Variants in STRADB observed in about 807,000 individuals in gnomAD.
The protein encoded by STRADB is STE20-related kinase adapter protein beta.
In STRADB, 34 loss-of-function variants were observed where a neutral mutation model predicts 52.1. That is an observed-to-expected ratio of 0.65 (90% confidence interval 0.50 to 0.87). The LOEUF (loss-of-function observed/expected upper bound fraction) is 0.87, where lower values mean the gene tolerates loss of function less well. STRADB is among the 40% of genes least tolerant of loss of function. The pLI is 0.00. For missense variants in STRADB, 340 were observed against 483.9 expected (o/e 0.70, Z 2.79); for synonymous variants, 133 against 174.5 (o/e 0.76, Z 1.87).
intron 6 of STRADB, among the ~76,000 whole-genome samples, chr2:201,475,191 A>G (rs960684600): frequency 2.0e-5 from 3 of 152,176 alleles, no homozygotes; most frequent in African/African-American, 7.2e-5. Flanking sequence ...GAGGGCCGGG[A>G]TCATTTATAT....
At chr2:201,470,863 G>A (rs973550395) in intron 4 of STRADB, among the ~76,000 whole-genome samples, 8 of 152,282 alleles carry the variant, frequency 5.3e-5, no homozygotes, top group African/African-American at 1.9e-4. Flanking sequence ...AAGTGAAAAA[G>A]GAATATTTGA....
Position 201,468,677 on chromosome 2 carries a change from C to T in STRADB, c.94-1276C>T, listed in dbSNP as rs556152260. The stretch of plus-strand genomic sequence containing the variant: ...AGGCTGATTAGTTGTGATTTTAGTC[C>T]ATCACCCAGTAACATTATGCCGTTT... On this transcript the variant is annotated intron_variant, in intron 3 of 11. Transcript: ENST00000194530. 1.1e-4 allele frequency among the ~76,000 whole-genome samples: 16 copies of T among 152,252 alleles called. No individual in the cohort carries two copies. The East Asian group carries it at 3.1e-3, about 29-fold the overall frequency.
At chr2:201,461,450 G>A (rs1286231621) in intron 3 of STRADB, among the ~76,000 whole-genome samples, 2 of 152,186 alleles carry the variant, frequency 1.3e-5, no homozygotes, top group Non-Finnish European at 2.9e-5. Context: ...TGGGCTTACA[G>A]TCTGAGCCAA....
rs77468686 is a variant in STRADB at position 201,454,218 on chromosome 2, C to A, written c.-95-528C>A. 4.3e-3 allele frequency among the ~76,000 whole-genome samples: 655 copies of A among 152,240 alleles called. 5 individuals carry two copies. Among genetic ancestry groups the A allele is most frequent in the East Asian group, 0.039 (204 of 5,188 alleles). ...TGAATTAATTTCCTAGTCTGTTATT[C>A]TGATTCTTTCCCATATTTGCTGGTC... On this transcript the variant is annotated intron_variant, in intron 1 of 11. Coordinates refer to ENST00000194530, the MANE Select transcript of STRADB (RefSeq NM_018571.6).
At chr2:201,473,872 G>A (rs1047665032) in intron 5 of STRADB, among the ~76,000 whole-genome samples, 2 of 150,842 alleles carry the variant, frequency 1.3e-5, no homozygotes, top group African/African-American at 2.4e-5. Context: ...GATTTTATTT[G>A]GATATTGTTC....
At chr2:201,457,813 C>T (rs1484972498) in intron 2 of STRADB, among the ~76,000 whole-genome samples, 1 of 152,156 alleles carries the variant, frequency 6.6e-6, no homozygotes, top group Non-Finnish European at 1.5e-5. Context: ...TGATTGAGGT[C>T]AGGAGTCTGA....
At chr2:201,470,420 A>G (rs1414167837) in intron 4 of STRADB, among the ~76,000 whole-genome samples, 1 of 152,266 alleles carries the variant, frequency 6.6e-6, no homozygotes, top group Non-Finnish European at 1.5e-5. Flanking sequence ...ATTGCTTCTC[A>G]GTTTAAAAAT....
At chr2:201,474,785 T>G in intron 6 of STRADB, 30 bp downstream of exon 6, 1 of 1,505,870 alleles carries the variant, frequency 6.6e-7, no homozygotes, top group Non-Finnish European at 9.1e-7. Flanking sequence ...ATAAATTAAC[T>G]TAGCCTAGAT....
At chr2:201,462,825 A>G (rs1952236728) in intron 3 of STRADB, among the ~76,000 whole-genome samples, 1 of 152,216 alleles carries the variant, frequency 6.6e-6, no homozygotes, top group Non-Finnish European at 1.5e-5. Flanking sequence ...CACAATTACA[A>G]TGTTATAATA....
At chr2:201,477,052 GTTTTTT>G (rs1221462406) in intron 7 of STRADB, among the ~76,000 whole-genome samples, 261 of 57,028 alleles carry the variant, frequency 4.6e-3, no homozygotes, top group African/African-American at 0.017. Context: ...AATATTATCA[GTTTTTT>G]TTTTTTTTTT....
intron 3 of STRADB, among the ~76,000 whole-genome samples, chr2:201,464,158 G>A (rs1002168513): frequency 8.5e-5 from 13 of 152,176 alleles, no homozygotes; most frequent in Middle Eastern, 3.4e-3. Flanking sequence ...ATTAATGTCT[G>A]GGCATTGAAG....
At position 201,471,439 on chromosome 2, in the gene STRADB, T is replaced by C. The variant is rs568420618; in HGVS notation, c.193+1387T>C. ...TAAGGTGGAGATTTGGAATTGTCCT[T>C]CCGCTAGAGAGACATTGTGGAATCA... On this transcript the variant is annotated intron_variant, in intron 4 of 11. Transcript: ENST00000194530. Among the ~76,000 whole-genome samples, 3 of 152,324 alleles carry C rather than the reference T, an allele frequency of 2.0e-5. No individual in the cohort carries two copies. In the South Asian group the frequency reaches 6.2e-4, roughly 32 times the overall value.
chr2:201,471,572 C>T (rs1484411567), intron 4 of STRADB, among the ~76,000 whole-genome samples: 1 of 152,190 alleles, frequency 6.6e-6, no homozygotes, highest in African/African-American at 2.4e-5. Context: ...GGCTCTGAGT[C>T]ATACAGTTAG....
chr2:201,465,112 G>A (rs1425978392), intron 3 of STRADB, among the ~76,000 whole-genome samples: 1 of 152,136 alleles, frequency 6.6e-6, no homozygotes, highest in Non-Finnish European at 1.5e-5. Context: ...TGGTACCCAA[G>A]CTGCAAGACC....
At chr2:201,479,601 C>A in intron 11 of STRADB, 70 bp downstream of exon 11, 1 of 1,456,708 alleles carries the variant, frequency 6.9e-7, no homozygotes, top group Non-Finnish European at 9.3e-7. Context: ...ATTTTGTTGG[C>A]TTGATGAGAT....
intron 4 of STRADB, 162 bp from the exon 5 acceptor site, chr2:201,472,793 G>T: frequency 8.7e-6 from 5 of 576,622 alleles, no homozygotes; most frequent in South Asian, 4.3e-5. Context: ...TTTTTAATTG[G>T]ATTGCTTGAT....
rs756512436 is a variant in STRADB, at chr2:201,473,085, A to G, written c.315+9A>G. On this transcript the variant is annotated intron_variant, in intron 5 of 11. Coordinates refer to ENST00000194530, the MANE Select transcript of STRADB (RefSeq NM_018571.6). The stretch of plus-strand genomic sequence containing the variant: ...GCCTGAAAGCTTTACAGGTAACAAT[A>G]TGAAGAAAATGATACACAGTTGGGC... 6.2e-7 allele frequency: 1 copy of G among 1,608,998 alleles called. No homozygotes were observed. The highest frequency in any genetic ancestry group is 1.1e-5 in the South Asian group (1 of 89,474).
At chr2:201,479,208 T>C (rs1952531027) in intron 10 of STRADB, 1 of 317,256 alleles carries the variant, frequency 3.2e-6, no homozygotes, top group African/African-American at 2.2e-5. Context: ...ACGTTAAGAC[T>C]CTAAGTAGTA....
At chr2:201,468,748 G>A (rs2125678421) in intron 3 of STRADB, among the ~76,000 whole-genome samples, 1 of 152,200 alleles carries the variant, frequency 6.6e-6, no homozygotes, top group Admixed American at 6.5e-5. Flanking sequence ...TACATCTCTA[G>A]CCTTCCCGAC....
Sources: gnomAD v4.1 joint callset for allele counts (sites outside exome capture counted in the v4.1 genomes callset) on GRCh38, gnomAD v4.1.1 for gene constraint, MANE v1.5 for transcripts, NCBI Gene and HGNC (gene_info 2026-07-23, HGNC 2026-07-21) for gene names.